ARB2A: variants seen among roughly 807,000 people sequenced by gnomAD.
ARB2A encodes ARB2 cotranscriptional regulator A.
chr5:93,727,661 T>C, the ARB2A span, among the ~76,000 whole-genome samples: 1 of 152,016 alleles, frequency 6.6e-6, no homozygotes, highest in South Asian at 2.1e-4. Context: ...TCCACTACCT[T>C]GAGCAGACCT....
the ARB2A span, among the ~76,000 whole-genome samples, chr5:93,749,869 G>A: frequency 3.3e-5 from 5 of 152,130 alleles, no homozygotes; most frequent in African/African-American, 1.2e-4. Flanking sequence ...AAAAAAAAGG[G>A]TGTTGGTGAA....
At chr5:93,633,426 G>A in the ARB2A span, among the ~76,000 whole-genome samples, 1 of 152,094 alleles carries the variant, frequency 6.6e-6, no homozygotes, top group Non-Finnish European at 1.5e-5. Context: ...ATAAAATTAG[G>A]TAGAAATTCC....
At chr5:93,742,985 T>G in the ARB2A span, 1 of 152,248 alleles carries the variant, frequency 6.6e-6, no homozygotes, top group Admixed American at 6.5e-5. Context: ...TGTTCTTGAC[T>G]TTTTCTGTTC....
chr5:94,080,494 G>A, the ARB2A span, among the ~76,000 whole-genome samples: 29 of 152,230 alleles, frequency 1.9e-4, no homozygotes, highest in East Asian at 5.0e-3. Flanking sequence ...AATATAATAT[G>A]CATGTGAACC....
chr5:93,886,689 G>T, the ARB2A span, among the ~76,000 whole-genome samples: 1 of 151,606 alleles, frequency 6.6e-6, no homozygotes, highest in Non-Finnish European at 1.5e-5. Flanking sequence ...TGGAACTGCA[G>T]CTCTGCTTGA....
chr5:93,765,030 T>C, the ARB2A span, among the ~76,000 whole-genome samples: 55 of 152,322 alleles, frequency 3.6e-4, no homozygotes, highest in African/African-American at 1.2e-3. Flanking sequence ...AATTAGGTAT[T>C]GATGGGACGT....
chr5:93,767,160 G>A, the ARB2A span, among the ~76,000 whole-genome samples: 1 of 152,076 alleles, frequency 6.6e-6, no homozygotes, highest in African/African-American at 2.4e-5. Context: ...TGCACGTTGT[G>A]CACATGTACC....
the ARB2A span, among the ~76,000 whole-genome samples, chr5:93,820,318 TA>T: frequency 4.6e-5 from 7 of 152,144 alleles, no homozygotes; most frequent in South Asian, 1.2e-3. Context: ...AATAAAAAAT[TA>T]AAGGTTACTT....
the ARB2A span, among the ~76,000 whole-genome samples, chr5:93,783,858 C>G: frequency 6.6e-6 from 1 of 152,098 alleles, no homozygotes; most frequent in Non-Finnish European, 1.5e-5. Flanking sequence ...GAGGCTGAAC[C>G]ATGGCTAGCC....
the ARB2A span, among the ~76,000 whole-genome samples, chr5:93,858,663 T>C: frequency 2.0e-5 from 3 of 152,162 alleles, no homozygotes; most frequent in Non-Finnish European, 4.4e-5. Flanking sequence ...GCCTAGGAAG[T>C]AAAATTAAGC....
the ARB2A span, among the ~76,000 whole-genome samples, chr5:93,628,107 C>G: frequency 8.0e-6 from 1 of 124,510 alleles, no homozygotes; most frequent in Admixed American, 1.0e-4. Context: ...GTCACCCAGG[C>G]TGGTGTGATC....
the ARB2A span, among the ~76,000 whole-genome samples, chr5:93,988,372 C>T: frequency 1.3e-5 from 2 of 152,198 alleles, no homozygotes; most frequent in Admixed American, 6.5e-5. Context: ...TTCTCATTCT[C>T]GTTTTGTAGC....
the ARB2A span, among the ~76,000 whole-genome samples, chr5:93,990,026 C>A: frequency 6.6e-6 from 1 of 152,072 alleles, no homozygotes; most frequent in Non-Finnish European, 1.5e-5. Flanking sequence ...AAAGTTCACA[C>A]ATCTAAGGTA....
chr5:94,000,119 T>C, the ARB2A span, among the ~76,000 whole-genome samples: 1 of 152,140 alleles, frequency 6.6e-6, no homozygotes, highest in Non-Finnish European at 1.5e-5. Flanking sequence ...ATAAATCTAC[T>C]ATAAACATCC....
At chr5:94,104,220 T>C in the ARB2A span, among the ~76,000 whole-genome samples, 1 of 151,314 alleles carries the variant, frequency 6.6e-6, no homozygotes, top group Admixed American at 6.6e-5. Context: ...CAAAACGTCG[T>C]TCTCTGAAAG....
chr5:93,684,635 TAA>T, the ARB2A span, among the ~76,000 whole-genome samples: 20 of 152,290 alleles, frequency 1.3e-4, no homozygotes, highest in African/African-American at 4.6e-4. Context: ...AAGCACAACT[TAA>T]AGTTAGTGTG....
the ARB2A span, among the ~76,000 whole-genome samples, chr5:93,652,504 G>A: frequency 0.017 from 2,523 of 152,142 alleles, 34 homozygotes; most frequent in Non-Finnish European, 0.024. Flanking sequence ...GAATCTTTAG[G>A]AAATTGGTTG....
chr5:93,656,386 A>G, the ARB2A span, among the ~76,000 whole-genome samples: 1 of 152,214 alleles, frequency 6.6e-6, no homozygotes, highest in Admixed American at 6.5e-5. Context: ...CAATCATTTG[A>G]GTGAAACGAT....
At chr5:93,759,187 G>C in the ARB2A span, among the ~76,000 whole-genome samples, 1 of 152,038 alleles carries the variant, frequency 6.6e-6, no homozygotes, top group African/African-American at 2.4e-5. Context: ...AACCCTCCTA[G>C]CTTAAATCAG....
Sources: gnomAD v4.1 joint callset for allele counts (sites outside exome capture counted in the v4.1 genomes callset) on GRCh38, gnomAD v4.1.1 for gene constraint, MANE v1.5 for transcripts, NCBI Gene and HGNC (gene_info 2026-07-23, HGNC 2026-07-21) for gene names.